HERC4: variants seen among roughly 807,000 people sequenced by gnomAD.
The protein encoded by HERC4 is probable E3 ubiquitin-protein ligase HERC4.
In HERC4, 28 loss-of-function variants were observed where a neutral mutation model predicts 124.3. The observed-to-expected ratio is 0.23, with a 90% CI of 0.17 to 0.31. The LOEUF (loss-of-function observed/expected upper bound fraction) is 0.31, where lower values mean the gene tolerates loss of function less well. HERC4 is among the 10% of genes least tolerant of loss of function. HERC4 has a pLI of 1.00. For synonymous variants in HERC4, 407 were observed against 421.5 expected (o/e 0.97, Z 0.42); for missense variants, 713 against 1,229.3 (o/e 0.58, Z 6.28).
intron 3 of HERC4, among the ~76,000 whole-genome samples, chr10:68,064,809 A>G (rs2133811372): frequency 6.6e-6 from 1 of 151,880 alleles, no homozygotes; most frequent in Middle Eastern, 3.4e-3. Flanking sequence ...TGTTTCTACT[A>G]AAAATACAAA....
intron 9 of HERC4, among the ~76,000 whole-genome samples, chr10:68,004,862 A>G (rs1032854168): frequency 1.1e-4 from 17 of 152,180 alleles, no homozygotes; most frequent in African/African-American, 4.1e-4. Flanking sequence ...CCATGATTCC[A>G]TTACCTCCAC....
chr10:67,986,603 C>T (rs1444254146), intron 15 of HERC4, among the ~76,000 whole-genome samples: 3 of 152,084 alleles, frequency 2.0e-5, no homozygotes, highest in East Asian at 1.9e-4. Flanking sequence ...GTGATCCGCT[C>T]GCCTCACCAC....
chr10:67,969,321 TA>T (rs2035086970), intron 15 of HERC4, among the ~76,000 whole-genome samples: 1 of 152,052 alleles, frequency 6.6e-6, no homozygotes, highest in South Asian at 2.1e-4. Context: ...AGTAATACAC[TA>T]AAATTTTAAG....
At chr10:67,966,114 A>T (rs1028986413) in intron 16 of HERC4, 1 of 152,568 alleles carries the variant, frequency 6.6e-6, no homozygotes, top group African/African-American at 2.4e-5. Context: ...AGTAGCTGGG[A>T]TTACAGGCAT....
At chr10:68,063,709 G>A (rs1043072176) in intron 3 of HERC4, among the ~76,000 whole-genome samples, 3 of 152,022 alleles carry the variant, frequency 2.0e-5, no homozygotes, top group African/African-American at 7.2e-5. Context: ...AGGCCAAGGC[G>A]GACAGATTAC....
intron 9 of HERC4, chr10:67,993,244 C>T (rs2036650587): frequency 6.6e-6 from 1 of 151,814 alleles, no homozygotes; most frequent in Admixed American, 6.6e-5. Context: ...ACTTGGGAGG[C>T]TGAGACAGGA....
chr10:68,023,922 A>G (rs1433463537), intron 8 of HERC4, among the ~76,000 whole-genome samples: 1 of 152,176 alleles, frequency 6.6e-6, no homozygotes, highest in Non-Finnish European at 1.5e-5. Flanking sequence ...AATATTTCTT[A>G]GAAAATAAAT....
chr10:68,055,204 C>T (rs936830141), intron 3 of HERC4, among the ~76,000 whole-genome samples: 47 of 152,138 alleles, frequency 3.1e-4, no homozygotes, highest in Middle Eastern at 3.2e-3. Flanking sequence ...AACTTTAAGA[C>T]AAATTCAGAA....
At chr10:67,986,237 G>T (rs1164866804) in intron 15 of HERC4, among the ~76,000 whole-genome samples, 2 of 152,164 alleles carry the variant, frequency 1.3e-5, no homozygotes, top group Non-Finnish European at 2.9e-5. Flanking sequence ...CTGCAAACAA[G>T]AACCCAGTTT....
intron 15 of HERC4, among the ~76,000 whole-genome samples, chr10:67,971,671 C>T (rs768634602): frequency 4.7e-4 from 71 of 150,996 alleles, no homozygotes; most frequent in Non-Finnish European, 7.1e-4. Context: ...CACCCCCCAC[C>T]GACATTTAAC....
At chr10:68,010,986 G>T in intron 9 of HERC4, 2 of 803,684 alleles carry the variant, frequency 2.5e-6, no homozygotes, top group Non-Finnish European at 4.0e-6. Context: ...TAAGTTCTTC[G>T]AATGAAGTCT....
intron 7 of HERC4, among the ~76,000 whole-genome samples, chr10:68,027,171 C>T (rs1160400512): frequency 1.3e-5 from 2 of 152,188 alleles, no homozygotes; most frequent in East Asian, 1.9e-4. Flanking sequence ...TTATATCCTG[C>T]TTTCATCATT....
rs547095927 is a variant in HERC4, at chr10:67,976,499, G to A, written c.1807-9697C>T. On this transcript the variant is annotated intron_variant, in intron 15 of 24. Transcript: ENST00000373700. ...AAAGCAAACAGGTGGAAGAGGTGAAGCAATAGGGCAAAATGGAAAGCTCCA... is the reference window on the plus strand; with the variant it reads ...AAAGCAAACAGGTGGAAGAGGTGAAACAATAGGGCAAAATGGAAAGCTCCA... 7.0e-4 allele frequency among the ~76,000 whole-genome samples: 107 copies of A among 152,264 alleles called. No homozygotes were observed. In the South Asian group the frequency reaches 0.014, roughly 20 times the overall value.
In HERC4 at chr10:67,966,690, T is replaced by C. The variant is rs1439876845; in HGVS notation, c.1919A>G (p.Tyr640Cys). The C allele has an allele frequency of 1.2e-6, 2 of 1,607,582 alleles. No homozygotes were observed. Among genetic ancestry groups the C allele is most frequent in the African/African-American group, 1.3e-5 (1 of 74,564 alleles). ...DYINWVQQQA[Y>C]GMLADIPVTI... is the part of the protein sequence containing the mutation. Reference sequence around the variant, plus strand: ...ATTGCACAGAAAACCTACCATTCCATAGGCCTGCTGTTGGACCCAGTTGAT... The same window carrying C: ...ATTGCACAGAAAACCTACCATTCCACAGGCCTGCTGTTGGACCCAGTTGAT... The change falls in exon 16 of 25, where the codon TAT becomes TGT. Residue 640 changes from tyrosine to cysteine, a missense_variant. Coordinates refer to ENST00000373700, the MANE Select transcript of HERC4 (RefSeq NM_015601.4).
At chr10:68,023,080 C>T (rs145155924) in intron 8 of HERC4, among the ~76,000 whole-genome samples, 24 of 151,618 alleles carry the variant, frequency 1.6e-4, no homozygotes, top group South Asian at 1.0e-3. Context: ...AAACCCTGTA[C>T]ACTTTTGGTG....
chr10:68,001,146 G>A (rs915930582), intron 9 of HERC4, among the ~76,000 whole-genome samples: 1 of 152,074 alleles, frequency 6.6e-6, no homozygotes, highest in East Asian at 1.9e-4. Flanking sequence ...CAAGGCAGGA[G>A]GATCACTTGA....
intron 7 of HERC4, among the ~76,000 whole-genome samples, chr10:68,028,068 C>T (rs1174402570): frequency 6.7e-6 from 1 of 148,360 alleles, no homozygotes; most frequent in African/African-American, 2.5e-5. Context: ...ATGGTCTTTG[C>T]CTAGATCCAT....
At chr10:68,062,413 T>C (rs1288406605) in intron 3 of HERC4, among the ~76,000 whole-genome samples, 1 of 152,168 alleles carries the variant, frequency 6.6e-6, no homozygotes, top group African/African-American at 2.4e-5. Context: ...GTCCATTCTT[T>C]CTGCCTCTCT....
At position 67,992,201 on chromosome 10, in the gene HERC4, G is replaced by A. The variant is rs1423370167; in HGVS notation, c.1269C>T (p.Ala423=). The A allele has an allele frequency of 6.2e-7, 1 of 1,612,906 alleles. No individual in the cohort carries two copies. Among genetic ancestry groups the A allele is most frequent in the African/African-American group, 1.3e-5 (1 of 74,966 alleles). Residue 423 remains alanine, a splice_region_variant and synonymous_variant, in exon 11 of 25, where the codon GCC becomes GCT. Transcript: ENST00000373700. ...CTGGCCCAAAATGCTTTTCTTACTTGGCTATCTCCACAGGAAACCTTCCAG... is the reference window on the plus strand; with the variant it reads ...CTGGCCCAAAATGCTTTTCTTACTTAGCTATCTCCACAGGAAACCTTCCAG... ...YPSGRFPVEI[A]NEIDGTFSSS...
Sources: gnomAD v4.1 joint callset for allele counts (sites outside exome capture counted in the v4.1 genomes callset) on GRCh38, gnomAD v4.1.1 for gene constraint, MANE v1.5 for transcripts, NCBI Gene and HGNC (gene_info 2026-07-23, HGNC 2026-07-21) for gene names.